SH3KBP1: variants seen among roughly 807,000 people sequenced by gnomAD.
SH3KBP1 encodes the protein SH3 domain containing kinase binding protein 1, also known as SH3 domain-containing kinase-binding protein 1.
A neutral mutation model predicts 50.1 loss-of-function variants in SH3KBP1; 8 were observed. That is an observed-to-expected ratio of 0.16 (90% CI 0.09 to 0.29). The LOEUF is 0.29. SH3KBP1 is among the 10% of genes least tolerant of loss of function. SH3KBP1 has a pLI of 1.00. For synonymous variants in SH3KBP1, 227 were observed against 218.6 expected (o/e 1.04, Z -0.34); for missense variants, 377 against 535.2 (o/e 0.70, Z 2.92).
chrX:19,710,250 C>T (rs761170445), intron 3 of SH3KBP1, among the ~76,000 whole-genome samples: 12 of 112,520 alleles, frequency 1.1e-4, no homozygotes, highest in Non-Finnish European at 2.1e-4. Context: ...GGATGTGAAT[C>T]ATCCATTTGT....
intron 6 of SH3KBP1, among the ~76,000 whole-genome samples, chrX:19,648,830 T>C (rs1188355986): frequency 3.6e-5 from 4 of 111,337 alleles, no homozygotes; most frequent in Non-Finnish European, 7.5e-5. Context: ...CTTCCCTACA[T>C]ACAGGAGCAA....
chrX:19,672,315 A>G (rs1167727655), intron 6 of SH3KBP1, among the ~76,000 whole-genome samples: 2 of 112,067 alleles, frequency 1.8e-5, no homozygotes, highest in African/African-American at 6.5e-5. Context: ...AAGGAGGTAG[A>G]ATGAAACTCC....
intron 1 of SH3KBP1, among the ~76,000 whole-genome samples, chrX:19,875,586 C>A (rs1381179986): frequency 8.9e-6 from 1 of 112,545 alleles, no homozygotes; most frequent in African/African-American, 3.2e-5. Flanking sequence ...GTCCTCCATG[C>A]GCCCTCCTTC....
chrX:19,784,052 A>C (rs1170449646), intron 2 of SH3KBP1, among the ~76,000 whole-genome samples: 3 of 112,318 alleles, frequency 2.7e-5, no homozygotes, highest in Admixed American at 9.4e-5. Context: ...TTTGACGACC[A>C]TCTGGTTGCT....
Position 19,631,909 on chromosome X carries a change from A to G in SH3KBP1, c.852T>C (p.Asp284=). The G allele has an allele frequency of 4.2e-6, 5 of 1,201,519 alleles. No homozygotes were observed. Among genetic ancestry groups the G allele is most frequent in the Non-Finnish European group, 5.6e-6 (5 of 887,128 alleles). The stretch of plus-strand genomic sequence containing the variant: ...TATCTCCTTCTTTGATTGTCAATTC[A>G]TCATCATTCTGTGCCTCATATGGAA... The part of the protein sequence containing the change: ...VIFPYEAQND[D]ELTIKEGDIV... The change falls in exon 8 of 18, where the codon GAT becomes GAC. Residue 284 remains aspartate, a synonymous_variant. Coordinates refer to ENST00000397821, the MANE Select transcript of SH3KBP1 (RefSeq NM_031892.3).
chrX:19,865,567 C>T (rs2068883854), intron 1 of SH3KBP1, among the ~76,000 whole-genome samples: 1 of 111,842 alleles, frequency 8.9e-6, no homozygotes, highest in Admixed American at 9.5e-5. Flanking sequence ...ATTCTTATTG[C>T]CCAAGCTTGA....
chrX:19,583,303 G>A (rs911977394), intron 12 of SH3KBP1, among the ~76,000 whole-genome samples: 2 of 108,641 alleles, frequency 1.8e-5, no homozygotes, highest in African/African-American at 3.3e-5. Flanking sequence ...ACAGGCACCC[G>A]CCACCAAGCC....
chrX:19,685,901 AAGTCTATTTT>A (rs1396194461), intron 5 of SH3KBP1, among the ~76,000 whole-genome samples: 1 of 111,469 alleles, frequency 9.0e-6, no homozygotes, highest in Non-Finnish European at 1.9e-5. Context: ...AGATTAGGGC[AAGTCTATTTT>A]AGTTTTTCAA....
intron 2 of SH3KBP1, among the ~76,000 whole-genome samples, chrX:19,802,803 AG>A (rs1405022440): frequency 9.0e-6 from 1 of 110,974 alleles, no homozygotes; most frequent in East Asian, 2.8e-4. Context: ...GTGTGCTTCC[AG>A]GTCAGTCTCT....
At chrX:19,542,823 T>G (rs912416861) in intron 15 of SH3KBP1, among the ~76,000 whole-genome samples, 1 of 111,501 alleles carries the variant, frequency 9.0e-6, no homozygotes, top group Admixed American at 9.5e-5. Flanking sequence ...TGGGAAGTAC[T>G]GCTAGACCGT....
At chrX:19,776,672 T>C (rs1346916531) in intron 2 of SH3KBP1, among the ~76,000 whole-genome samples, 2 of 106,002 alleles carry the variant, frequency 1.9e-5, no homozygotes, top group African/African-American at 6.9e-5. Flanking sequence ...CTCAGCCTAC[T>C]GAGTAACTGG....
Position 19,542,019 on chromosome X carries a change from C to G in SH3KBP1, c.1798G>C (p.Glu600Gln). 8.3e-7 allele frequency: 1 copy of G among 1,211,979 alleles called. No individual in the cohort carries two copies. Among genetic ancestry groups the G allele is most frequent in the Middle Eastern group, 2.3e-4 (1 of 4,355 alleles). ...GCCGCCTGGCTGCTGGCCGCAGGCT[C>G]CATCTTTGGTTTTCCTTCCGTGCCG... Reference protein sequence around the residue: ...LFGTEGKPKMEPAASSQAAVE... With the variant: ...LFGTEGKPKMQPAASSQAAVE... Residue 600 changes from glutamate to glutamine, a missense_variant, in exon 16 of 18, where the codon GAG (glutamate) becomes CAG (glutamine). Glu to Gln is a conservative substitution (Grantham distance 29). Around this residue, in one of 3 missense-constraint regions of SH3KBP1, gnomAD observed 110 missense variants for 124.1 expected, o/e 0.89. Transcript: ENST00000397821.
chrX:19,548,250 C>T (rs766168312), intron 14 of SH3KBP1, among the ~76,000 whole-genome samples: 6 of 112,278 alleles, frequency 5.3e-5, no homozygotes, highest in Non-Finnish European at 9.4e-5. Context: ...AAAGGTGGGA[C>T]AAGAGATGGT....
rs141678343 is a variant in SH3KBP1, at chrX:19,763,834, T to C, written c.163-17393A>G. Among the ~76,000 whole-genome samples the C allele has an allele frequency of 2.6e-4, 28 of 108,402 alleles. 1 individual carries two copies. The East Asian group carries it at 7.5e-3, about 29-fold the overall frequency. The allele number at this position is 108,402 out of a possible 115,157, so 94.1% of individuals were successfully genotyped here. Reference sequence around the variant, plus strand: ...GTACGGAGTTCGAGACCAGCCTGGGTAACATGGTGAAACCCCGTCTACACA... The same window carrying C: ...GTACGGAGTTCGAGACCAGCCTGGGCAACATGGTGAAACCCCGTCTACACA... On this transcript the variant is annotated intron_variant, in intron 2 of 17. Coordinates refer to ENST00000397821, the MANE Select transcript of SH3KBP1 (RefSeq NM_031892.3).
chrX:19,535,195 G>A lies in SH3KBP1; in HGVS notation c.*1222C>T, dbSNP rs777466449. 12 of 277,631 alleles carry A rather than the reference G, an allele frequency of 4.3e-5. 1 individual carries two copies. The South Asian group carries it at 2.0e-3, about 46-fold the overall frequency. The allele number at this position is 277,631 out of a possible 1,213,427, so 22.9% of individuals were successfully genotyped here. A position where few individuals can be genotyped will look rare whatever the true frequency, so the allele number is the denominator to read the frequency against. ...TGTACTACAAAGATAAAGCGGACAG[G>A]CAAACATCAGTTTCCTTGGGAAAGA... On this transcript the variant is annotated 3_prime_UTR_variant, in exon 18 of 18. Coordinates refer to ENST00000397821, the MANE Select transcript of SH3KBP1 (RefSeq NM_031892.3).
At chrX:19,801,777 T>C (rs2066898045) in intron 2 of SH3KBP1, among the ~76,000 whole-genome samples, 1 of 111,960 alleles carries the variant, frequency 8.9e-6, no homozygotes, top group African/African-American at 3.2e-5. Context: ...TCAAAGCTGT[T>C]TCTAAAACCT....
rs182396380 is a variant in SH3KBP1, at chrX:19,741,317, C to T, written c.286+5001G>A. Among the ~76,000 whole-genome samples, 264 of 112,002 alleles carry T rather than the reference C, an allele frequency of 2.4e-3. 1 individual carries two copies. Among genetic ancestry groups the T allele is most frequent in the Middle Eastern group, 0.014 (3 of 217 alleles). ...TCACCTCGTAGCATCAGAGCTAGAC[C>T]TGTTACAAATAACATCTTTTAAACC... is the stretch of plus-strand genomic sequence containing the variant. On this transcript the variant is annotated intron_variant, in intron 3 of 17. Coordinates refer to ENST00000397821, the MANE Select transcript of SH3KBP1 (RefSeq NM_031892.3).
intron 8 of SH3KBP1, among the ~76,000 whole-genome samples, chrX:19,620,540 T>A (rs757623931): frequency 1.1e-4 from 12 of 112,088 alleles, no homozygotes; most frequent in African/African-American, 3.2e-4. Flanking sequence ...AATTCCAAAG[T>A]CAAATCCAGG....
At chrX:19,821,669 C>T (rs2067531977) in intron 2 of SH3KBP1, among the ~76,000 whole-genome samples, 1 of 110,389 alleles carries the variant, frequency 9.1e-6, no homozygotes, top group Non-Finnish European at 1.9e-5. Context: ...GCTGGGACTA[C>T]AGGCGGCCGC....
Sources: allele counts gnomAD v4.1 joint callset (sites outside exome capture counted in the v4.1 genomes callset), GRCh38; gene constraint gnomAD v4.1.1; regional missense constraint gnomAD v4.1.1; transcripts MANE v1.5; gene names NCBI Gene and HGNC (gene_info 2026-07-23, HGNC 2026-07-21).